The following CLVS2 variants were observed in gnomAD, a reference collection of about 807,000 sequenced individuals.
The protein encoded by CLVS2 is clavesin 2.
A neutral mutation model predicts 29.0 loss-of-function variants in CLVS2; 19 were observed. The observed-to-expected ratio is 0.66, with a 90% CI of 0.46 to 0.96. CLVS2 has a LOEUF of 0.96. CLVS2 is among the 40% of genes least tolerant of loss of function. The pLI is 0.00. For missense variants in CLVS2, 294 were observed against 404.1 expected (o/e 0.73, Z 2.34); for synonymous variants, 161 against 151.3 (o/e 1.06, Z -0.47).
chr6:122,997,459 G>GA lies in CLVS2; in HGVS notation c.-316dup, dbSNP rs930114941. ...ATTAGGGGTGATTTGTTAGGAAAGA[G>GA]AAAGGACAAGAAGAGGAGTGCGGAG... On this transcript the variant is annotated 5_prime_UTR_variant, in exon 2 of 6. The change creates a premature stop within an existing upstream ORF in the 5' untranslated region. Coordinates refer to ENST00000275162, the MANE Select transcript of CLVS2 (RefSeq NM_001010852.4). 1 of 336,340 alleles carries GA rather than the reference G, an allele frequency of 3.0e-6. No homozygotes were observed. Among genetic ancestry groups the GA allele is most frequent in the African/African-American group, 2.1e-5 (1 of 47,540 alleles). The allele number at this position is 336,340 out of a possible 1,614,324, so 20.8% of individuals were successfully genotyped here.
Position 123,064,346 on chromosome 6 carries a change from A to G in CLVS2, c.*585A>G, listed in dbSNP as rs1194194944. The stretch of plus-strand genomic sequence containing the variant: ...TTGCATTTTGGAGGCAAGGAATGGC[A>G]GATGAGCTGGTAAACTGAACACTTG... On this transcript the variant is annotated 3_prime_UTR_variant, in exon 6 of 6. Transcript: ENST00000275162. 1.3e-5 allele frequency: 2 copies of G among 152,080 alleles called. No individual in the cohort carries two copies. The highest frequency in any genetic ancestry group is 2.9e-5 in the Non-Finnish European group (2 of 67,956). 9.4% of individuals were successfully genotyped at this position (152,080 alleles called of 1,614,324 possible).
rs937598728 is a variant in CLVS2 at position 123,071,123 on chromosome 6, A to G, written c.*7362A>G. 1.3e-5 allele frequency: 2 copies of G among 151,950 alleles called. No individual in the cohort carries two copies. The highest frequency in any genetic ancestry group is 2.9e-5 in the Non-Finnish European group (2 of 67,948). 9.4% of individuals were successfully genotyped at this position (151,950 alleles called of 1,614,324 possible). A position where few individuals can be genotyped will look rare whatever the true frequency, so the allele number is the denominator to read the frequency against. On this transcript the variant is annotated 3_prime_UTR_variant, in exon 6 of 6. Coordinates refer to ENST00000275162, the MANE Select transcript of CLVS2 (RefSeq NM_001010852.4). ...GCAATGTGAACTCCACAAGGGCAGG[A>G]ATTTTTGTCTGTTTACTACTGCATT...
In CLVS2 at chr6:122,997,782, C is replaced by T; in HGVS notation, c.5C>T (p.Thr2Ile). 1 of 1,613,502 alleles carries T rather than the reference C, an allele frequency of 6.2e-7. No individual in the cohort carries two copies. The highest frequency in any genetic ancestry group is 8.5e-7 in the Non-Finnish European group (1 of 1,179,842). ...AGCTCAGAGATAGGCAGAACAATGA[C>T]TCATTTGCAAGCCGGTCTCTCCCCT... is the stretch of plus-strand genomic sequence containing the variant. M[T>I]HLQAGLSPET... Residue 2 changes from threonine to isoleucine, a missense_variant, in exon 2 of 6, where the codon ACT becomes ATT. Coordinates refer to ENST00000275162, the MANE Select transcript of CLVS2 (RefSeq NM_001010852.4).
chr6:123,000,208 TG>T (rs1774572027), intron 2 of CLVS2, among the ~76,000 whole-genome samples: 1 of 152,184 alleles, frequency 6.6e-6, no homozygotes, highest in African/African-American at 2.4e-5. Context: ...TTTCTATGGT[TG>T]GAAATAAACA....
chr6:123,060,874 G>A (rs936032511), intron 5 of CLVS2, among the ~76,000 whole-genome samples: 2 of 152,188 alleles, frequency 1.3e-5, no homozygotes, highest in Non-Finnish European at 2.9e-5. Context: ...ACTTCTGTCC[G>A]AAATCTAGTT....
chr6:123,035,034 G>C (rs1295313515), intron 3 of CLVS2, among the ~76,000 whole-genome samples: 1 of 152,088 alleles, frequency 6.6e-6, no homozygotes, highest in Non-Finnish European at 1.5e-5. Context: ...TGAATGAGAA[G>C]AAAGAACAGT....
chr6:123,024,283 T>C (rs1475545105), intron 3 of CLVS2, among the ~76,000 whole-genome samples: 1 of 152,200 alleles, frequency 6.6e-6, no homozygotes, highest in African/African-American at 2.4e-5. Context: ...ATTAGCTCTT[T>C]ACAACAAATG....
At chr6:123,010,173 A>C (rs1483928734) in intron 2 of CLVS2, among the ~76,000 whole-genome samples, 2 of 152,156 alleles carry the variant, frequency 1.3e-5, no homozygotes, top group East Asian at 3.9e-4. Context: ...GATTGTCTAA[A>C]ATGCCACTCA....
chr6:123,014,520 A>C (rs1774798230), intron 3 of CLVS2, among the ~76,000 whole-genome samples: 2 of 152,092 alleles, frequency 1.3e-5, no homozygotes, highest in Admixed American at 1.3e-4. Context: ...TTTGGATGGC[A>C]ACCCTGCCAT....
chr6:123,018,552 T>G (rs1359276729), intron 3 of CLVS2, among the ~76,000 whole-genome samples: 1 of 152,004 alleles, frequency 6.6e-6, no homozygotes, highest in Non-Finnish European at 1.5e-5. Context: ...TGGTACTATA[T>G]TGCCAGAATC....
At chr6:123,045,013 G>A (rs1287840114) in intron 3 of CLVS2, among the ~76,000 whole-genome samples, 1 of 152,082 alleles carries the variant, frequency 6.6e-6, no homozygotes, top group Non-Finnish European at 1.5e-5. Context: ...CAGATATTGT[G>A]AGTGATCAGT....
At chr6:123,028,281 C>T (rs1013496251) in intron 3 of CLVS2, among the ~76,000 whole-genome samples, 1 of 152,140 alleles carries the variant, frequency 6.6e-6, no homozygotes, top group Non-Finnish European at 1.5e-5. Context: ...TATATTAGAT[C>T]CTGTATGAAA....
chr6:123,029,642 TAA>T (rs1053858074), intron 3 of CLVS2, among the ~76,000 whole-genome samples: 4 of 152,048 alleles, frequency 2.6e-5, no homozygotes, highest in African/African-American at 7.2e-5. Flanking sequence ...TAAAAAAAAA[TAA>T]GTTTTTTGTT....
chr6:123,026,865 T>G (rs777921536), intron 3 of CLVS2, among the ~76,000 whole-genome samples: 22 of 152,192 alleles, frequency 1.4e-4, no homozygotes, highest in Admixed American at 2.0e-4. Flanking sequence ...GGGGAAAAGT[T>G]ACATCATATG....
rs1427740433 is a variant in CLVS2, at chr6:123,063,761, A to G, written c.984A>G (p.Ter328=). The change falls in exon 6 of 6, where the codon TAA becomes TAG. Residue 328 remains the stop codon, a stop_retained_variant. Transcript: ENST00000275162. ...TGCAACCATTGCTTTCTCTGGACTA[A>G]TAACTTCTCTACATCCCCTTCATGG... The part of the protein sequence containing the change: ...ENMQPLLSLD[*] 1.9e-6 allele frequency: 3 copies of G among 1,591,158 alleles called. No homozygotes were observed. The highest frequency in any genetic ancestry group is 1.3e-5 in the African/African-American group (1 of 74,444).
chr6:123,002,256 C>T (rs1774599905), intron 2 of CLVS2, among the ~76,000 whole-genome samples: 1 of 152,144 alleles, frequency 6.6e-6, no homozygotes, highest in Admixed American at 6.5e-5. Flanking sequence ...TTACCACTTA[C>T]AGTAGCGAAG....
intron 4 of CLVS2, among the ~76,000 whole-genome samples, chr6:123,051,823 T>G (rs1199352931): frequency 6.6e-6 from 1 of 152,108 alleles, no homozygotes; most frequent in Non-Finnish European, 1.5e-5. Context: ...AGGACCAAAC[T>G]TCTTGCATGA....
intron 3 of CLVS2, among the ~76,000 whole-genome samples, chr6:123,035,707 G>C (rs1023328461): frequency 2.2e-4 from 34 of 151,962 alleles, no homozygotes; most frequent in African/African-American, 8.2e-4. Flanking sequence ...GAATTGCTTT[G>C]TTCAGTTAGG....
At chr6:123,057,963 T>A (rs1018929552) in intron 5 of CLVS2, among the ~76,000 whole-genome samples, 2 of 152,226 alleles carry the variant, frequency 1.3e-5, no homozygotes, top group African/African-American at 4.8e-5. Flanking sequence ...ACTATATGTA[T>A]ATGTCATGCA....
Sources: allele counts gnomAD v4.1 joint callset (sites outside exome capture counted in the v4.1 genomes callset), GRCh38; gene constraint gnomAD v4.1.1; transcripts MANE v1.5; gene names NCBI Gene and HGNC (gene_info 2026-07-23, HGNC 2026-07-21).